The following PHEX variants were observed in gnomAD, a reference collection of about 807,000 sequenced individuals.
PHEX encodes phosphate regulating endopeptidase X-linked.
In PHEX, 16 loss-of-function variants were observed where a neutral mutation model predicts 68.0. The ratio of observed to expected loss-of-function variants is 0.24; its 90% CI spans 0.16 to 0.36. The LOEUF is 0.36. Ranked by LOEUF, PHEX falls within the 10% of genes least tolerant of loss-of-function variation. PHEX has a pLI of 1.00. For synonymous variants in PHEX, 208 were observed against 205.1 expected (o/e 1.01, Z -0.12); for missense variants, 480 against 575.5 (o/e 0.83, Z 1.70).
At chrX:22,224,952 T>TCATACAGCGCTGTATGATTTATTAG in intron 18 of PHEX, among the ~76,000 whole-genome samples, 2 of 113,896 alleles carry the variant, frequency 1.8e-5, no homozygotes, top group Admixed American at 9.1e-5. Flanking sequence ...ACATAAATTA[T>TCATACAGCGCTGTATGATTTATTAG]CATACAGCGC....
At chrX:22,131,133 G>A (rs1039458207) in intron 11 of PHEX, among the ~76,000 whole-genome samples, 1 of 110,416 alleles carries the variant, frequency 9.1e-6, no homozygotes, top group African/African-American at 3.3e-5. Context: ...TCTGCCTCCC[G>A]AGTTCCAGTG....
intron 12 of PHEX, among the ~76,000 whole-genome samples, chrX:22,152,958 T>A (rs1443564159): frequency 9.0e-6 from 1 of 111,377 alleles, no homozygotes; most frequent in African/African-American, 3.3e-5. Context: ...AAAGGTTGAA[T>A]ATTTAATGGA....
At chrX:22,111,636 C>G in intron 10 of PHEX, 76 bp downstream of exon 10, 1 of 765,504 alleles carries the variant, frequency 1.3e-6, no homozygotes, top group Non-Finnish European at 2.0e-6. Flanking sequence ...TTAACTGATC[C>G]AGTAAAAATC....
chrX:22,150,529 G>A (rs775293289), intron 12 of PHEX, among the ~76,000 whole-genome samples: 12 of 112,056 alleles, frequency 1.1e-4, no homozygotes, highest in East Asian at 2.8e-4. Flanking sequence ...GTGTGGCTGC[G>A]TGCCAATAAA....
Position 22,038,483 on chromosome X carries a change from T to A in PHEX, c.133T>A (p.Leu45Ile). Reference sequence around the variant, plus strand: ...TGTTTTTTCAGTGAGTCAAGGTCTCTTAAGTCTCCAAGCTAAACAGGAGTA... The same window carrying A: ...TGTTTTTTCAGTGAGTCAAGGTCTCATAAGTCTCCAAGCTAAACAGGAGTA... Reference protein sequence around the residue: ...TILFLVSQGLLSLQAKQEYCL... With the variant: ...TILFLVSQGLISLQAKQEYCL... The change falls in exon 2 of 22, where the codon TTA becomes ATA. Residue 45 changes from leucine (L) to isoleucine (I), a missense_variant. Transcript: ENST00000379374. The A allele has an allele frequency of 8.3e-7, 1 of 1,198,585 alleles. No homozygotes were observed.
chrX:22,111,386 A>T, intron 9 of PHEX, 81 bp from the exon 10 acceptor site: 2 of 795,193 alleles, frequency 2.5e-6, no homozygotes, highest in Non-Finnish European at 3.9e-6. Context: ...GAGCTTTGCC[A>T]ACTGTTTCTC....
intron 9 of PHEX, among the ~76,000 whole-genome samples, chrX:22,108,677 C>T (rs1447898387): frequency 9.0e-6 from 1 of 111,627 alleles, no homozygotes; most frequent in Non-Finnish European, 1.9e-5. Context: ...TACGGTGGCT[C>T]ACGCCTGTAA....
rs769591275 is a variant in PHEX, at chrX:22,250,815, A to C, written c.*2862A>C. 18 of 111,871 alleles carry C rather than the reference A, an allele frequency of 1.6e-4. No homozygotes were observed. The highest frequency in any genetic ancestry group is 3.4e-4 in the Non-Finnish European group (18 of 53,148). 9.2% of individuals were successfully genotyped at this position (111,871 alleles called of 1,213,427 possible). A position where few individuals can be genotyped will look rare whatever the true frequency, so the allele number is the denominator to read the frequency against. The stretch of plus-strand genomic sequence containing the variant: ...CAATGGAGCTTAAAGCATAGCACAT[A>C]AATTTTATCTTATTTAGCCCTGGAG... On this transcript the variant is annotated 3_prime_UTR_variant, in exon 22 of 22. Transcript: ENST00000379374.
At position 22,097,090 on chromosome X, in the gene PHEX, G is replaced by T. The variant is rs781343445; in HGVS notation, c.933+52G>T. 1.3e-4 allele frequency: 112 copies of T among 851,250 alleles called. No homozygotes were observed. The Middle Eastern group carries it at 2.7e-3, about 21-fold the overall frequency. 70.2% of individuals were successfully genotyped at this position (851,250 alleles called of 1,213,427 possible). A position where few individuals can be genotyped will look rare whatever the true frequency, so the allele number is the denominator to read the frequency against. On this transcript the variant is annotated intron_variant, in intron 8 of 21. Coordinates refer to ENST00000379374, the MANE Select transcript of PHEX (RefSeq NM_000444.6). ...TCTCTCAACTCATCATTTTAGAAGG[G>T]ATTGGATTTCATCTCTGTGTAAATT...
chrX:22,113,184 T>A (rs972035397), intron 10 of PHEX, among the ~76,000 whole-genome samples: 16 of 111,598 alleles, frequency 1.4e-4, no homozygotes, highest in South Asian at 1.1e-3. Context: ...TATGAGGGGA[T>A]GTTTCTTGAG....
chrX:22,200,009 T>G (rs969924564), intron 15 of PHEX, among the ~76,000 whole-genome samples: 1 of 111,753 alleles, frequency 8.9e-6, no homozygotes, highest in African/African-American at 3.3e-5. Context: ...TTACAGGACT[T>G]CCATCAAATG....
intron 20 of PHEX, among the ~76,000 whole-genome samples, chrX:22,229,171 A>G (rs5904515): frequency 0.37 from 40,865 of 110,877 alleles, 5,860 homozygotes; most frequent in African/African-American, 0.45. Context: ...AGTCTTTGCC[A>G]TTGTGAATAG....
chrX:22,111,377 A>T, intron 9 of PHEX, 90 bp from the exon 10 acceptor site: 3 of 724,296 alleles, frequency 4.1e-6, no homozygotes, highest in Non-Finnish European at 6.6e-6. Flanking sequence ...CCCTCGATGG[A>T]GCTTTGCCAA....
chrX:22,104,323 C>T (rs1228472790), intron 9 of PHEX, among the ~76,000 whole-genome samples: 1 of 110,419 alleles, frequency 9.1e-6, no homozygotes, highest in Non-Finnish European at 1.9e-5. Flanking sequence ...TGAGATCCTC[C>T]AGTGGTGGTG....
chrX:22,118,846 C>G (rs1413451084), intron 11 of PHEX, among the ~76,000 whole-genome samples: 1 of 112,070 alleles, frequency 8.9e-6, no homozygotes, highest in African/African-American at 3.2e-5. Flanking sequence ...TTCACACACA[C>G]AACCATGGGA....
chrX:22,220,166 C>T lies in PHEX; in HGVS notation c.1768+1063C>T, dbSNP rs145793914. Reference sequence around the variant, plus strand: ...AGCAAATTACTATCACATCCATACCCACACAGTGATTTACAGGCAGTCTCA... The same window carrying T: ...AGCAAATTACTATCACATCCATACCTACACAGTGATTTACAGGCAGTCTCA... On this transcript the variant is annotated intron_variant, in intron 17 of 21. Transcript: ENST00000379374. 3.1e-3 allele frequency among the ~76,000 whole-genome samples: 346 copies of T among 111,435 alleles called. 3 individuals are homozygous for T. The highest frequency in any genetic ancestry group is 0.01 in the African/African-American group (312 of 30,663).
intron 9 of PHEX, among the ~76,000 whole-genome samples, chrX:22,106,778 C>CAA (rs10647092): frequency 0.18 from 9,674 of 53,127 alleles, 737 homozygotes; most frequent in East Asian, 0.34. Context: ...AACTCTGTCT[C>CAA]AAAAAAAAAA....
At chrX:22,196,817 C>T (rs1279997012) in intron 15 of PHEX, among the ~76,000 whole-genome samples, 2 of 111,878 alleles carry the variant, frequency 1.8e-5, no homozygotes, top group Non-Finnish European at 3.8e-5. Context: ...AGTTTAATCA[C>T]AGATATTCTG....
rs370527485 is a variant in PHEX at position 22,092,749 on chromosome X, C to CTTTTTTTTTTTT, written c.733-1227_733-1216dup. The stretch of plus-strand genomic sequence containing the variant: ...AAGACTTCTTTTCTTTTCTTTCTTT[C>CTTTTTTTTTTTT]TTTTTTTTTTTTTTTTTTGAGATGG... On this transcript the variant is annotated intron_variant, in intron 6 of 21. Transcript: ENST00000379374. 8.9e-4 allele frequency among the ~76,000 whole-genome samples: 69 copies of CTTTTTTTTTTTT among 77,907 alleles called. 2 individuals are homozygous for CTTTTTTTTTTTT. Among genetic ancestry groups the CTTTTTTTTTTTT allele is most frequent in the African/African-American group, 2.4e-3 (44 of 18,004 alleles). 67.7% of individuals were successfully genotyped at this position (77,907 alleles called of 115,157 possible).
Sources: allele counts gnomAD v4.1 joint callset (sites outside exome capture counted in the v4.1 genomes callset), GRCh38; gene constraint gnomAD v4.1.1; transcripts MANE v1.5; gene names NCBI Gene and HGNC (gene_info 2026-07-23, HGNC 2026-07-21).